Variants in CAPRIN2 observed in about 807,000 individuals in gnomAD.
CAPRIN2 encodes the protein caprin family member 2, also known as caprin-2.
A neutral mutation model predicts 130.4 loss-of-function variants in CAPRIN2; 66 were observed. The ratio of observed to expected loss-of-function variants is 0.51; its 90% CI spans 0.42 to 0.62. The LOEUF is 0.62. CAPRIN2 is among the 20% of genes least tolerant of loss of function. The pLI is 0.00. For synonymous variants in CAPRIN2, 471 were observed against 444.1 expected, an observed-to-expected ratio of 1.06 and a Z score of -0.76; for missense variants, 1,185 against 1,246.6, an observed-to-expected ratio of 0.95 and a Z score of 0.74.
chr12:30,754,741 C>A, upstream of CAPRIN2: 1 of 154,074 alleles, frequency 6.5e-6, no homozygotes, highest in South Asian at 1.8e-4. Context: ...CCGCCGCAGC[C>A]CGACTTCACC....
chr12:30,732,141 C>T (rs750914114), intron 5 of CAPRIN2, among the ~76,000 whole-genome samples: 19 of 151,912 alleles, frequency 1.3e-4, no homozygotes, highest in Non-Finnish European at 1.3e-4. Flanking sequence ...AGATTTTACT[C>T]GAGTTATGCT....
intron 2 of CAPRIN2, among the ~76,000 whole-genome samples, chr12:30,744,525 T>C (rs1231944798): frequency 6.6e-6 from 1 of 152,220 alleles, no homozygotes; most frequent in East Asian, 1.9e-4. Context: ...CATGCAAGCA[T>C]CTGCCTAGCC....
intron 3 of CAPRIN2, among the ~76,000 whole-genome samples, chr12:30,736,055 T>C (rs547942091): frequency 1.3e-5 from 2 of 151,784 alleles, no homozygotes; most frequent in East Asian, 3.9e-4. Context: ...GTAGACAGAT[T>C]GCTTGAGCCC....
chr12:30,737,646 G>A (rs2065490719), intron 3 of CAPRIN2, among the ~76,000 whole-genome samples: 1 of 147,428 alleles, frequency 6.8e-6, no homozygotes. Flanking sequence ...CGCCCAGGCT[G>A]GAGTGCAGTG....
chr12:30,722,662 A>G (rs899124651), intron 11 of CAPRIN2, among the ~76,000 whole-genome samples: 11 of 152,218 alleles, frequency 7.2e-5, no homozygotes, highest in Admixed American at 7.2e-4. Context: ...GCACTTTGGG[A>G]GGCCAAGGCA....
intron 11 of CAPRIN2, among the ~76,000 whole-genome samples, chr12:30,722,800 T>C (rs1327474841): frequency 6.6e-6 from 1 of 151,984 alleles, no homozygotes; most frequent in Non-Finnish European, 1.5e-5. Flanking sequence ...CTCGGGAGGC[T>C]GAGACACAGA....
exon 1 of CAPRIN2, chr12:30,753,403 A>G: frequency 1.2e-6 from 2 of 1,613,780 alleles, no homozygotes; most frequent in Non-Finnish European, 1.7e-6. Flanking sequence ...TTTTCAATAT[A>G]GGTCTCATAC....
chr12:30,736,362 T>C (rs753290012), intron 3 of CAPRIN2, among the ~76,000 whole-genome samples: 1 of 150,620 alleles, frequency 6.6e-6, no homozygotes, highest in Non-Finnish European at 1.5e-5. Context: ...GTTTCCATCA[T>C]ATTGGATATT....
At chr12:30,745,701 A>G (rs1232991768) in intron 2 of CAPRIN2, among the ~76,000 whole-genome samples, 2 of 152,178 alleles carry the variant, frequency 1.3e-5, no homozygotes, top group Admixed American at 6.5e-5. Flanking sequence ...AATTTGAAAA[A>G]GCAAATAACC....
chr12:30,724,344 T>A (rs191951281), intron 10 of CAPRIN2, 26 bp downstream of exon 11: 1 of 1,459,100 alleles, frequency 6.9e-7, no homozygotes, highest in African/African-American at 1.4e-5. Flanking sequence ...AGACGTTTGC[T>A]CCAAGTCTTT....
chr12:30,735,220 T>C lies in CAPRIN2; in HGVS notation c.571-14A>G. 6.3e-7 allele frequency: 1 copy of C among 1,591,910 alleles called. No individual in the cohort carries two copies. On this transcript the variant is annotated splice_polypyrimidine_tract_variant and intron_variant, in intron 3 of 16. Transcript: ENST00000298892. The stretch of plus-strand genomic sequence containing the variant: ...CGCTTTTAGTAGCTGTTAAAACAAA[T>C]GGCTAATTAAGGGTAACAATTCTCT...
At chr12:30,739,714 C>CAAA (rs370274976) in intron 3 of CAPRIN2, among the ~76,000 whole-genome samples, 5 of 113,738 alleles carry the variant, frequency 4.4e-5, no homozygotes, top group Non-Finnish European at 5.6e-5. Context: ...GACTCCGTCT[C>CAAA]AAAAAAAAAA....
chr12:30,726,163 A>G (rs2060870906), intron 8 of CAPRIN2, 75 bp from the exon 10 acceptor site: 1 of 1,219,654 alleles, frequency 8.2e-7, no homozygotes. Flanking sequence ...GTTTATCACT[A>G]CATCTTAAAG....
chr12:30,735,033 T>C, exon 4 of CAPRIN2: 3 of 1,614,184 alleles, frequency 1.9e-6, no homozygotes, highest in African/African-American at 1.3e-5. Flanking sequence ...CAAGTTCTTT[T>C]GAAGGCAAAT....
chr12:30,752,744 A>G (rs138046890), intron 1 of CAPRIN2, among the ~76,000 whole-genome samples: 5 of 147,616 alleles, frequency 3.4e-5, no homozygotes, highest in African/African-American at 1.3e-4. Context: ...AACGTAATAC[A>G]GCAAAGCAAC....
chr12:30,739,959 G>C lies in CAPRIN2; in HGVS notation c.570+1061C>G, dbSNP rs775855193. Among the ~76,000 whole-genome samples the C allele has an allele frequency of 1.2e-3, 186 of 152,294 alleles. 4 individuals are homozygous for C. The highest frequency in any genetic ancestry group is 3.4e-3 in the Middle Eastern group (1 of 292). The stretch of plus-strand genomic sequence containing the variant: ...TTGTTACTGGGTAACTCTGAGTAAA[G>C]ACAGAAGACAGAAAATTTTAAATAT... On this transcript the variant is annotated intron_variant, in intron 3 of 16. Transcript: ENST00000298892.
intron 15 of CAPRIN2, among the ~76,000 whole-genome samples, chr12:30,712,351 C>G (rs989137574): frequency 6.6e-5 from 10 of 152,202 alleles, no homozygotes; most frequent in African/African-American, 2.2e-4. Flanking sequence ...CTAGCATTAT[C>G]AGTTTCTTGT....
intron 4 of CAPRIN2, 107 bp downstream of exon 5, chr12:30,734,849 AACACACACACAC>A (rs10557103): frequency 0.04 from 25,323 of 626,684 alleles, 583 homozygotes; most frequent in African/African-American, 0.12. Context: ...CCCCCTCTCT[AACACACACACAC>A]ACACACACAC....
intron 2 of CAPRIN2, among the ~76,000 whole-genome samples, chr12:30,747,116 CTG>C (rs1441488681): frequency 2.6e-5 from 4 of 152,190 alleles, no homozygotes; most frequent in Admixed American, 6.5e-5. Context: ...TAAATCTACT[CTG>C]TGTTTTATAA....
Sources: gnomAD v4.1 joint callset for allele counts (sites outside exome capture counted in the v4.1 genomes callset) on GRCh38, gnomAD v4.1.1 for gene constraint, MANE v1.5 for transcripts, NCBI Gene and HGNC (gene_info 2026-07-23, HGNC 2026-07-21) for gene names.